Variants in ARHGAP24 observed in about 807,000 individuals in gnomAD.
The protein encoded by ARHGAP24 is Rho GTPase activating protein 24, also known as rho GTPase-activating protein 24.
Under a neutral mutation model 76.4 loss-of-function variants are expected in ARHGAP24, and 50 were observed. That is an observed-to-expected ratio of 0.65 (90% CI 0.52 to 0.83). The LOEUF is 0.83. Ranked by LOEUF, ARHGAP24 falls within the 40% of genes least tolerant of loss-of-function variation. ARHGAP24 has a pLI of 0.00. For missense variants in ARHGAP24, 930 were observed against 914.2 expected (o/e 1.02, Z -0.22); for synonymous variants, 345 against 323.3 (o/e 1.07, Z -0.72).
At chr4:85,704,247 G>T (rs550597718) in intron 2 of ARHGAP24, among the ~76,000 whole-genome samples, 2 of 152,148 alleles carry the variant, frequency 1.3e-5, no homozygotes, top group African/African-American at 4.8e-5. Flanking sequence ...ATGTACATTT[G>T]CATACAGGTT....
intron 2 of ARHGAP24, among the ~76,000 whole-genome samples, chr4:85,669,430 C>T (rs1201793383): frequency 2.0e-5 from 3 of 151,452 alleles, no homozygotes; most frequent in East Asian, 1.9e-4. Context: ...CTAGACATCA[C>T]ATAAGGAAGA....
intron 5 of ARHGAP24, among the ~76,000 whole-genome samples, chr4:85,950,176 T>C (rs921464941): frequency 2.0e-5 from 3 of 152,226 alleles, no homozygotes; most frequent in South Asian, 4.2e-4. Flanking sequence ...AGGAACAGCT[T>C]AGCTTGCTTG....
chr4:85,645,790 T>A (rs1721699484), intron 2 of ARHGAP24, among the ~76,000 whole-genome samples: 1 of 152,094 alleles, frequency 6.6e-6, no homozygotes, highest in African/African-American at 2.4e-5. Flanking sequence ...AGCTGAGAGC[T>A]TATGAAAAAT....
At chr4:85,524,218 C>T (rs1724896491) in intron 1 of ARHGAP24, among the ~76,000 whole-genome samples, 2 of 152,142 alleles carry the variant, frequency 1.3e-5, no homozygotes, top group Non-Finnish European at 2.9e-5. Flanking sequence ...TCCAACCCCA[C>T]CATTCTGTAC....
chr4:85,835,822 A>G (rs1730256561), intron 3 of ARHGAP24, among the ~76,000 whole-genome samples: 1 of 151,906 alleles, frequency 6.6e-6, no homozygotes, highest in Non-Finnish European at 1.5e-5. Flanking sequence ...AGCAGCTGGG[A>G]TTACAGGTGC....
At chr4:85,493,299 A>G (rs142615428) in intron 1 of ARHGAP24, among the ~76,000 whole-genome samples, 162 of 152,336 alleles carry the variant, frequency 1.1e-3, no homozygotes, top group African/African-American at 3.8e-3. Context: ...ACTTTCAGCT[A>G]TGAATTTTGT....
chr4:85,794,698 G>C (rs1050219296), intron 3 of ARHGAP24, among the ~76,000 whole-genome samples: 1 of 152,188 alleles, frequency 6.6e-6, no homozygotes, highest in Admixed American at 6.5e-5. Context: ...GGCCAGGCTG[G>C]TCTTGAACTC....
chr4:85,674,248 C>T (rs1722901589), intron 2 of ARHGAP24, among the ~76,000 whole-genome samples: 1 of 152,106 alleles, frequency 6.6e-6, no homozygotes, highest in Non-Finnish European at 1.5e-5. Flanking sequence ...GAACCACTGC[C>T]ATAGCAGAAA....
rs1363264843 is a variant in ARHGAP24, at chr4:85,753,557, GA to G, written c.268+31587del. ...CACATGCTTCACAGAGTAATATTTG[GA>G]AGTCAACATTTCAGTAGAGCAATTT... On this transcript the variant is annotated intron_variant, in intron 3 of 9. Coordinates refer to ENST00000395184, the MANE Select transcript of ARHGAP24 (RefSeq NM_001025616.3). Among the ~76,000 whole-genome samples the G allele has an allele frequency of 2.0e-5, 3 of 152,136 alleles. No individual in the cohort carries two copies. The East Asian group carries it at 5.8e-4, about 29-fold the overall frequency.
chr4:85,901,860 A>G (rs914730441), intron 3 of ARHGAP24, among the ~76,000 whole-genome samples: 1 of 151,500 alleles, frequency 6.6e-6, no homozygotes, highest in Non-Finnish European at 1.5e-5. Flanking sequence ...CTGAACATGC[A>G]GGTTTGTTGC....
At chr4:85,649,111 C>T (rs1463142957) in intron 2 of ARHGAP24, among the ~76,000 whole-genome samples, 3 of 151,804 alleles carry the variant, frequency 2.0e-5, no homozygotes, top group African/African-American at 7.3e-5. Context: ...AAGTGTTCGG[C>T]TGATATCTTG....
intron 3 of ARHGAP24, among the ~76,000 whole-genome samples, chr4:85,860,524 G>A (rs1731831581): frequency 6.6e-6 from 1 of 152,050 alleles, no homozygotes; most frequent in Non-Finnish European, 1.5e-5. Context: ...ATGTGTCTCT[G>A]TGAAACCCAA....
intron 2 of ARHGAP24, among the ~76,000 whole-genome samples, chr4:85,641,165 T>C (rs924944506): frequency 1.3e-5 from 2 of 152,164 alleles, no homozygotes; most frequent in African/African-American, 4.8e-5. Context: ...AGAACAATTA[T>C]AGCTCACTGT....
At chr4:85,954,007 G>GAAATC (rs2148834886) in intron 5 of ARHGAP24, among the ~76,000 whole-genome samples, 1 of 152,308 alleles carries the variant, frequency 6.6e-6, no homozygotes, top group African/African-American at 2.4e-5. Context: ...GGAGGGCTCT[G>GAAATC]AAATCTGGTC....
intron 3 of ARHGAP24, among the ~76,000 whole-genome samples, chr4:85,825,624 C>T (rs1729679132): frequency 6.6e-6 from 1 of 152,152 alleles, no homozygotes; most frequent in African/African-American, 2.4e-5. Context: ...AATTGAAAAA[C>T]AAGCAGGACC....
intron 3 of ARHGAP24, among the ~76,000 whole-genome samples, chr4:85,888,682 TG>T (rs923693919): frequency 6.6e-6 from 1 of 152,120 alleles, no homozygotes; most frequent in African/African-American, 2.4e-5. Context: ...TAGGTAAACT[TG>T]TGTCATGGGG....
At chr4:85,736,123 C>T (rs1725597163) in intron 3 of ARHGAP24, among the ~76,000 whole-genome samples, 1 of 152,176 alleles carries the variant, frequency 6.6e-6, no homozygotes, top group African/African-American at 2.4e-5. Flanking sequence ...TACTATTCAT[C>T]TCTCAAATGG....
chr4:85,606,274 A>G (rs939704320), intron 2 of ARHGAP24, among the ~76,000 whole-genome samples: 2 of 152,024 alleles, frequency 1.3e-5, no homozygotes, highest in Admixed American at 1.3e-4. Flanking sequence ...AGCACTTTGG[A>G]AGGCCAAGGC....
At chr4:85,738,196 T>A (rs1301729937) in intron 3 of ARHGAP24, among the ~76,000 whole-genome samples, 1 of 152,030 alleles carries the variant, frequency 6.6e-6, no homozygotes, top group Non-Finnish European at 1.5e-5. Flanking sequence ...ACATCTATCT[T>A]TTTTATTATG....
Sources: gnomAD v4.1 joint callset for allele counts (sites outside exome capture counted in the v4.1 genomes callset) on GRCh38, gnomAD v4.1.1 for gene constraint, MANE v1.5 for transcripts, NCBI Gene and HGNC (gene_info 2026-07-23, HGNC 2026-07-21) for gene names.